Variants in SLC52A1 observed in about 807,000 individuals in gnomAD.
SLC52A1 encodes solute carrier family 52, riboflavin transporter, member 1.
A neutral mutation model predicts 23.2 loss-of-function variants in SLC52A1; 20 were observed. That is an observed-to-expected ratio of 0.86 (90% CI 0.61 to 1.25). The LOEUF is 1.25. Among genes scored for constraint, SLC52A1 ranks in the 50% most tolerant of loss-of-function variants. The pLI is 0.00. For synonymous variants in SLC52A1, 260 were observed against 256.6 expected, an observed-to-expected ratio of 1.01 and a Z score of -0.13; for missense variants, 528 against 557.0, an observed-to-expected ratio of 0.95 and a Z score of 0.52.
chr17:5,039,625 CCAA>C (rs1170596390), upstream of SLC52A1, among the ~76,000 whole-genome samples: 1 of 152,116 alleles, frequency 6.6e-6, no homozygotes, highest in Non-Finnish European at 1.5e-5. Context: ...GCACCCACCA[CCAA>C]GCCTGGCTAA....
rs769521362 is a variant in SLC52A1 at position 5,033,921 on chromosome 17, G to T, written c.568C>A (p.Arg190Ser). The T allele has an allele frequency of 6.2e-7, 1 of 1,614,194 alleles. No homozygotes were observed. Among genetic ancestry groups the T allele is most frequent in the Non-Finnish European group, 8.5e-7 (1 of 1,180,038 alleles). The change falls in exon 3 of 5, where the codon CGT (arginine) becomes AGT (serine). Residue 190 changes from arginine to serine, a missense_variant. By Grantham distance (110) the Arg-to-Ser change is moderately radical (BLOSUM62 -1). Transcript: ENST00000254853. ...TSGPPLDFPE[R>S]FPASTFFWAL... ...CAGAAGAAGGTGCTGGCAGGAAAAC[G>T]CTCAGGGAAGTCGAGGGGAGGCCCA...
upstream of SLC52A1, among the ~76,000 whole-genome samples, chr17:5,037,107 C>T (rs1332687503): frequency 1.3e-5 from 2 of 152,140 alleles, no homozygotes; most frequent in Non-Finnish European, 2.9e-5. Flanking sequence ...CATGATTGTG[C>T]CAATGTACTC....
At chr17:5,038,600 T>A (rs76914322), upstream of SLC52A1, among the ~76,000 whole-genome samples, 2 of 151,920 alleles carry the variant, frequency 1.3e-5, no homozygotes, top group African/African-American at 4.8e-5. Flanking sequence ...CTTTTTTTTT[T>A]TTTCGAGACA....
Position 5,033,508 on chromosome 17 carries a change from G to A in SLC52A1, c.981C>T (p.Ala327=). The change falls in exon 3 of 5, where the codon GCC becomes GCT. Residue 327 remains alanine, a synonymous_variant. Transcript: ENST00000254853. The part of the protein sequence containing the change: ...VVLGSAANPL[A]CFLAMGVLCR... The stretch of plus-strand genomic sequence containing the variant: ...ACAGCACGCCCATGGCCAGGAAGCA[G>A]GCAAGGGGGTTGGCGGCACTGCCCA... 1 of 1,612,900 alleles carries A rather than the reference G, an allele frequency of 6.2e-7. No homozygotes were observed. The highest frequency in any genetic ancestry group is 8.5e-7 in the Non-Finnish European group (1 of 1,179,454).
chr17:5,036,030 T>C (rs1975447323), upstream of SLC52A1, among the ~76,000 whole-genome samples: 1 of 145,444 alleles, frequency 6.9e-6, no homozygotes, highest in East Asian at 2.0e-4. Flanking sequence ...CACGCTCAGC[T>C]GTTTTTACAC....
chr17:5,034,487 G>T lies in SLC52A1; in HGVS notation c.120C>A (p.Asp40Glu). 6 of 1,614,182 alleles carry T rather than the reference G, an allele frequency of 3.7e-6. No individual in the cohort carries two copies. Among genetic ancestry groups the T allele is most frequent in the South Asian group, 2.2e-5 (2 of 91,084 alleles). Residue 40 changes from aspartate to glutamate, a missense_variant, in exon 2 of 5, where the codon GAC (aspartate) becomes GAA (glutamate). Transcript: ENST00000254853. Reference protein sequence around the residue: ...IWVELPVVVKDLPEGWSLPSY... With the variant: ...IWVELPVVVKELPEGWSLPSY... The stretch of plus-strand genomic sequence containing the variant: ...CTCCCTCCCACTCACCCTCTGGAAG[G>T]TCTTTTACCACCACAGGCAGCTCCA...
chr17:5,036,000 G>A (rs970057455), upstream of SLC52A1, among the ~76,000 whole-genome samples: 5 of 136,556 alleles, frequency 3.7e-5, no homozygotes, highest in Admixed American at 7.9e-5. Context: ...GACTACAGAC[G>A]CACCACACCT....
At position 5,034,884 on chromosome 17, in the gene SLC52A1, G is replaced by C. The variant is rs1332471594; in HGVS notation, c.-131C>G. The C allele has an allele frequency of 2.8e-6, 1 of 355,372 alleles. No homozygotes were observed. The highest frequency in any genetic ancestry group is 3.7e-5 in the Admixed American group (1 of 27,228). 22.0% of individuals were successfully genotyped at this position (355,372 alleles called of 1,614,324 possible). A position where few individuals can be genotyped will look rare whatever the true frequency, so the allele number is the denominator to read the frequency against. ...ACCACGGGGCACCGGCTGTGCGTTT[G>C]GGTACAGCGACCCAGCAGTGCCGGC... is the stretch of plus-strand genomic sequence containing the variant. On this transcript the variant is annotated 5_prime_UTR_variant, in exon 1 of 5. Coordinates refer to ENST00000254853, the MANE Select transcript of SLC52A1 (RefSeq NM_017986.4).
rs559724296 is a variant in SLC52A1 at position 5,033,469 on chromosome 17, C to G, written c.1010+10G>C. ...AGTTCCACCCACCAAGCCTGGGGAC[C>G]CTTTTGCACCTGCACAGCACGCCCA... is the stretch of plus-strand genomic sequence containing the variant. On this transcript the variant is annotated intron_variant, in intron 3 of 4. Coordinates refer to ENST00000254853, the MANE Select transcript of SLC52A1 (RefSeq NM_017986.4). 4.4e-6 allele frequency: 7 copies of G among 1,607,542 alleles called. No homozygotes were observed. The highest frequency in any genetic ancestry group is 1.7e-5 in the Admixed American group (1 of 59,614).
At chr17:5,041,459 G>A (rs1197141662) in intron 1 of SLC52A1, among the ~76,000 whole-genome samples, 4 of 148,126 alleles carry the variant, frequency 2.7e-5, no homozygotes, top group Non-Finnish European at 4.5e-5. Flanking sequence ...ATTTTTTTTT[G>A]TTTCTTTGTT....
Position 5,033,344 on chromosome 17 carries a change from G to A in SLC52A1, c.1051C>T (p.Leu351Phe). Residue 351 changes from leucine to phenylalanine, a missense_variant, in exon 4 of 5, where the codon CTC becomes TTC. By Grantham distance (22) the Leu-to-Phe change is conservative. Coordinates refer to ENST00000254853, the MANE Select transcript of SLC52A1 (RefSeq NM_017986.4). ...GLVGLSLLGMLFGAYLMALAI... is the reference protein window; with the variant it reads ...GLVGLSLLGMFFGAYLMALAI... ...AGTGCCATCAGGTAGGCCCCAAAGA[G>A]CATGCCCAGCAGAGAAAGACCAACC... 2 of 1,614,162 alleles carry A rather than the reference G, an allele frequency of 1.2e-6. No homozygotes were observed. The highest frequency in any genetic ancestry group is 8.5e-7 in the Non-Finnish European group (1 of 1,180,012).
chr17:5,034,111 A>G lies in SLC52A1; in HGVS notation c.378T>C (p.Cys126=). ...TLALVLAMAC[C]TSNVTFLPFL... ...AGGGCAGGAAAGTGACATTAGAGGT[A>G]CAACAGGCCATTGCCAACACCAAGG... The change falls in exon 3 of 5, where the codon TGT becomes TGC. Residue 126 remains cysteine, a synonymous_variant. Coordinates refer to ENST00000254853, the MANE Select transcript of SLC52A1 (RefSeq NM_017986.4). 1.9e-6 allele frequency: 3 copies of G among 1,614,216 alleles called. No individual in the cohort carries two copies. The highest frequency in any genetic ancestry group is 1.7e-6 in the Non-Finnish European group (2 of 1,180,028).
At position 5,034,141 on chromosome 17, in the gene SLC52A1, A is replaced by C; in HGVS notation, c.348T>G (p.Thr116=). Residue 116 remains threonine (T), a synonymous_variant, in exon 3 of 5, where the codon ACT becomes ACG. Coordinates refer to ENST00000254853, the MANE Select transcript of SLC52A1 (RefSeq NM_017986.4). ...AGQLHSVAFL[T]LALVLAMACC... is the part of the protein sequence containing the mutation. ...AGGCCATTGCCAACACCAAGGCCAG[A>C]GTTAGGAAGGCCACAGAGTGGAGCT... 6.2e-7 allele frequency: 1 copy of C among 1,614,200 alleles called. No homozygotes were observed. Among genetic ancestry groups the C allele is most frequent in the Non-Finnish European group, 8.5e-7 (1 of 1,180,016 alleles).
In SLC52A1 at chr17:5,041,463, CTTTGTTTTGTTTTAT is replaced by C. The variant is rs537723607; in HGVS notation, c.-107-6765_-107-6751del. On this transcript the variant is annotated intron_variant, in intron 1 of 3. Coordinates refer to the SLC52A1 transcript ENST00000512825. ...ATGCCCAGCGAATTTTTTTTTGTTT[CTTTGTTTTGTTTTAT>C]TTTGTTTTGTTTTTCTGAGATGGAG... 1.3e-3 allele frequency among the ~76,000 whole-genome samples: 192 copies of C among 146,822 alleles called. 2 individuals are homozygous for C. Among genetic ancestry groups the C allele is most frequent in the Middle Eastern group, 3.5e-3 (1 of 286 alleles).
At position 5,040,611 on chromosome 17, in the gene SLC52A1, TG is replaced by T. The variant is rs551746295; in HGVS notation, c.-107-5899del. Among the ~76,000 whole-genome samples the T allele has an allele frequency of 2.6e-3, 389 of 152,234 alleles. 2 individuals are homozygous for T. Among genetic ancestry groups the T allele is most frequent in the Non-Finnish European group, 4.6e-3 (313 of 68,026 alleles). On this transcript the variant is annotated intron_variant, in intron 1 of 3. Transcript: ENST00000512825. ...AGCAAGGGATGGCCTTGGGGTCTGGTGCACGGGGAATAACCAAGGGGACCGA... is the reference window on the plus strand; with the variant it reads ...AGCAAGGGATGGCCTTGGGGTCTGGTCACGGGGAATAACCAAGGGGACCGA...
chr17:5,036,569 G>C (rs915200177), upstream of SLC52A1, among the ~76,000 whole-genome samples: 2 of 151,494 alleles, frequency 1.3e-5, no homozygotes. Flanking sequence ...CTGCCACCAC[G>C]CCTGGATAAT....
At position 5,033,544 on chromosome 17, in the gene SLC52A1, C is replaced by T. The variant is rs751185416; in HGVS notation, c.945G>A (p.Leu315=). ...CLPYGRLAYH[L]AVVLGSAANP... ...TGGCGGCACTGCCCAGCACCACAGC[C>T]AGGTGGTAGGCCAGGCGCCCATAGG... The change falls in exon 3 of 5, where the codon CTG becomes CTA. Residue 315 remains leucine (L), a synonymous_variant. Transcript: ENST00000254853. 1.2e-6 allele frequency: 2 copies of T among 1,613,890 alleles called. No individual in the cohort carries two copies. Among genetic ancestry groups the T allele is most frequent in the Non-Finnish European group, 1.7e-6 (2 of 1,179,990 alleles).
rs142091289 is a variant in SLC52A1, at chr17:5,033,936, G to A, written c.553C>T (p.Leu185Phe). The change falls in exon 3 of 5, where the codon CTC becomes TTC. Residue 185 changes from leucine to phenylalanine, a missense_variant. Physicochemically the swap from Leu to Phe is conservative, Grantham distance 22 (BLOSUM62 0). Transcript: ENST00000254853. ...GCAGGAAAACGCTCAGGGAAGTCGA[G>A]GGGAGGCCCAGAGGTGCCATTGGTG... is the stretch of plus-strand genomic sequence containing the variant. The part of the protein sequence containing the change: ...APTNGTSGPP[L>F]DFPERFPAST... The A allele has an allele frequency of 5.0e-6, 8 of 1,614,196 alleles. No individual in the cohort carries two copies. In the East Asian group the frequency reaches 1.3e-4, roughly 27 times the overall value.
chr17:5,035,690 TTTAA>T (rs1348709677), upstream of SLC52A1, among the ~76,000 whole-genome samples: 17 of 152,204 alleles, frequency 1.1e-4, no homozygotes, highest in South Asian at 2.1e-4. Context: ...TGTTTGTTGT[TTTAA>T]TTAATTAATT....
Sources: allele counts gnomAD v4.1 joint callset (sites outside exome capture counted in the v4.1 genomes callset), GRCh38; gene constraint gnomAD v4.1.1; transcripts MANE v1.5; gene names NCBI Gene and HGNC (gene_info 2026-07-23, HGNC 2026-07-21).